ENOX1: variants seen among roughly 807,000 people sequenced by gnomAD.
ENOX1 encodes ecto-NOX disulfide-thiol exchanger 1, also known as candidate growth-related and time keeping constitutive hydroquinone (NADH) oxidase.
ENOX1 carries 42 observed loss-of-function variants against 82.5 expected under a neutral mutation model. The ratio of observed to expected loss-of-function variants is 0.51; its 90% CI spans 0.40 to 0.66. ENOX1 has a LOEUF of 0.66. Ranked by LOEUF, ENOX1 falls within the 30% of genes least tolerant of loss-of-function variation. The pLI, the probability that ENOX1 is intolerant of heterozygous loss-of-function variation, is 0.00. For synonymous variants in ENOX1, 271 were observed against 282.2 expected (o/e 0.96, Z 0.40); for missense variants, 608 against 811.6 (o/e 0.75, Z 3.05).
chr13:43,667,172 T>TAGGTGTTGAAAA (rs2085021939), intron 2 of ENOX1, among the ~76,000 whole-genome samples: 1 of 152,192 alleles, frequency 6.6e-6, no homozygotes, highest in East Asian at 1.9e-4. Context: ...AAAGGCTTCA[T>TAGGTGTTGAAAA]GATAAGGTGA....
intron 1 of ENOX1, among the ~76,000 whole-genome samples, chr13:43,732,767 T>C (rs574555279): frequency 5.9e-4 from 90 of 152,370 alleles, no homozygotes; most frequent in South Asian, 1.4e-3. Context: ...TCAACAATGC[T>C]GCCTATTGAT....
intron 3 of ENOX1, 52 bp downstream of exon 3, chr13:43,483,957 A>G: frequency 1.0e-6 from 1 of 961,908 alleles, no homozygotes; most frequent in South Asian, 4.8e-5. Flanking sequence ...ATTAAAAAAT[A>G]TCCCTCAAAC....
intron 2 of ENOX1, among the ~76,000 whole-genome samples, chr13:43,593,652 C>CT (rs2081339021): frequency 8.5e-6 from 1 of 118,074 alleles, no homozygotes; most frequent in African/African-American, 3.4e-5. Flanking sequence ...CACCCCCACC[C>CT]TGCCACCCAA....
chr13:43,330,484 A>T (rs1220761397), intron 9 of ENOX1, among the ~76,000 whole-genome samples: 1 of 152,238 alleles, frequency 6.6e-6, no homozygotes, highest in Non-Finnish European at 1.5e-5. Context: ...TTGAGGGATA[A>T]CATTTTCCCA....
At chr13:43,701,563 A>G (rs1028836350) in intron 1 of ENOX1, among the ~76,000 whole-genome samples, 6 of 152,194 alleles carry the variant, frequency 3.9e-5, no homozygotes, top group African/African-American at 7.2e-5. Context: ...AAGGTAACCT[A>G]TGAAGTGTTC....
chr13:43,403,957 GGCAGTGCCT>G (rs968044976), intron 5 of ENOX1, among the ~76,000 whole-genome samples: 3 of 152,182 alleles, frequency 2.0e-5, no homozygotes, highest in African/African-American at 7.2e-5. Flanking sequence ...TAGCGTCTAT[GGCAGTGCCT>G]GCACATGGCA....
In ENOX1 at chr13:43,298,448, C is replaced by T. The variant is rs566795869; in HGVS notation, c.1344G>A (p.Glu448=). ...WQLDAYRNEV[E]LLKQEKEQLF... is the part of the protein sequence containing the mutation. ...GCTGTTCTTTTTCTTGTTTCAGCAG[C>T]TCCACCTCATTCCTGTAGGCATCCA... The change falls in exon 12 of 17, where the codon GAG becomes GAA. Residue 448 remains glutamate, a synonymous_variant. Coordinates refer to ENST00000690772, the MANE Select transcript of ENOX1 (RefSeq NM_001347969.2). The T allele has an allele frequency of 8.7e-6, 14 of 1,614,120 alleles. 1 individual carries two copies. In the South Asian group the frequency reaches 1.2e-4, roughly 14 times the overall value.
At chr13:43,459,243 G>C (rs149127941) in intron 3 of ENOX1, 1 of 152,292 alleles carries the variant, frequency 6.6e-6, no homozygotes, top group East Asian at 1.9e-4. Flanking sequence ...GATTTGCCTT[G>C]ATTATAAAGA....
At chr13:43,304,690 G>A (rs1310032475) in intron 11 of ENOX1, among the ~76,000 whole-genome samples, 1 of 152,144 alleles carries the variant, frequency 6.6e-6, no homozygotes, top group Non-Finnish European at 1.5e-5. Context: ...CACTCTTCAG[G>A]AAATCTTGAG....
At chr13:43,364,928 A>G (rs1365215123) in intron 5 of ENOX1, among the ~76,000 whole-genome samples, 1 of 152,112 alleles carries the variant, frequency 6.6e-6, no homozygotes, top group African/African-American at 2.4e-5. Flanking sequence ...ACAATTTTTC[A>G]TGGCTCTTTC....
intron 3 of ENOX1, among the ~76,000 whole-genome samples, chr13:43,482,000 G>T (rs1053598796): frequency 3.3e-5 from 5 of 152,082 alleles, no homozygotes; most frequent in Non-Finnish European, 7.4e-5. Context: ...AATAGACAAG[G>T]GTTAGCAAAG....
At chr13:43,476,515 G>A (rs1170826718) in intron 3 of ENOX1, among the ~76,000 whole-genome samples, 1 of 152,110 alleles carries the variant, frequency 6.6e-6, no homozygotes, top group Non-Finnish European at 1.5e-5. Context: ...ATGTGCAAAT[G>A]TACTTCAAAA....
chr13:43,782,048 C>A (rs551264113), intron 1 of ENOX1, among the ~76,000 whole-genome samples: 3 of 152,150 alleles, frequency 2.0e-5, no homozygotes, highest in Non-Finnish European at 2.9e-5. Context: ...ACATAAATAT[C>A]TCTTGTTTAA....
rs2084134575 is a variant in ENOX1 at position 43,650,886 on chromosome 13, AAC to A, written c.-219+16591_-219+16592del. ...CCTATAGGTCGGTCTGGTCCACGTT[AAC>A]AGACTTCTTCACTCATGGCTTTTGT... On this transcript the variant is annotated intron_variant, in intron 2 of 16. Coordinates refer to ENST00000690772, the MANE Select transcript of ENOX1 (RefSeq NM_001347969.2). Among the ~76,000 whole-genome samples, 4 of 152,224 alleles carry A rather than the reference AAC, an allele frequency of 2.6e-5. No individual in the cohort carries two copies. In the South Asian group the frequency reaches 8.3e-4, roughly 31 times the overall value.
At chr13:43,270,906 A>G (rs2153482392) in intron 12 of ENOX1, among the ~76,000 whole-genome samples, 1 of 152,298 alleles carries the variant, frequency 6.6e-6, no homozygotes, top group Admixed American at 6.5e-5. Flanking sequence ...TTAATTGTGC[A>G]TCATTGATTA....
At chr13:43,240,097 G>C (rs1450105830) in intron 14 of ENOX1, among the ~76,000 whole-genome samples, 3 of 152,102 alleles carry the variant, frequency 2.0e-5, no homozygotes, top group African/African-American at 7.2e-5. Flanking sequence ...GATTGGTTAA[G>C]GCGAAGGGAA....
chr13:43,341,518 A>G (rs935093304), intron 9 of ENOX1, among the ~76,000 whole-genome samples: 1 of 152,146 alleles, frequency 6.6e-6, no homozygotes, highest in Non-Finnish European at 1.5e-5. Flanking sequence ...GGGCCAGTGG[A>G]AATGATGCAT....
At chr13:43,647,073 G>A (rs9525814) in intron 2 of ENOX1, among the ~76,000 whole-genome samples, 22,725 of 152,066 alleles carry the variant, frequency 0.15, 2,076 homozygotes, top group East Asian at 0.39. Flanking sequence ...TCTCAGAGGC[G>A]TCTTTGGCTA....
chr13:43,782,722 C>T (rs1952348552), intron 1 of ENOX1, among the ~76,000 whole-genome samples: 2 of 152,118 alleles, frequency 1.3e-5, no homozygotes, highest in South Asian at 2.1e-4. Context: ...AAATAGCACA[C>T]GGAACCTCAA....
Sources: allele counts gnomAD v4.1 joint callset (sites outside exome capture counted in the v4.1 genomes callset), GRCh38; gene constraint gnomAD v4.1.1; transcripts MANE v1.5; gene names NCBI Gene and HGNC (gene_info 2026-07-23, HGNC 2026-07-21).